ABCA1: variants seen among roughly 807,000 people sequenced by gnomAD.
ABCA1 encodes ATP binding cassette subfamily A member 1.
Under a neutral mutation model 262.5 loss-of-function variants are expected in ABCA1, and 133 were observed. The observed-to-expected ratio is 0.51, with a 90% CI of 0.44 to 0.59. The LOEUF (loss-of-function observed/expected upper bound fraction) is 0.59, where lower values mean the gene tolerates loss of function less well. Ranked by LOEUF, ABCA1 falls within the 20% of genes least tolerant of loss-of-function variation. ABCA1 has a pLI of 0.00. For synonymous variants in ABCA1, 1,022 were observed against 1,043.5 expected (o/e 0.98, Z 0.40); for missense variants, 2,452 against 2,777.5 (o/e 0.88, Z 2.63).
intron 5 of ABCA1, among the ~76,000 whole-genome samples, chr9:104,873,137 T>C (rs1837777160): frequency 6.6e-6 from 1 of 152,224 alleles, no homozygotes; most frequent in African/African-American, 2.4e-5. Context: ...TATAAAATTC[T>C]AAGGCCTCAA....
chr9:104,797,725 GTATTCTCATAT>G (rs1564091440), intron 37 of ABCA1, among the ~76,000 whole-genome samples: 1 of 152,212 alleles, frequency 6.6e-6, no homozygotes, highest in South Asian at 2.1e-4. Flanking sequence ...GTTACAAGGT[GTATTCTCATAT>G]ATCATCTTAT....
chr9:104,866,751 G>A (rs151262149), intron 5 of ABCA1, among the ~76,000 whole-genome samples: 141 of 152,258 alleles, frequency 9.3e-4, no homozygotes, highest in African/African-American at 2.9e-3. Context: ...GCCTCCCAAA[G>A]TGCTAGGATT....
At chr9:104,808,726 C>G (rs530208834) in intron 30 of ABCA1, among the ~76,000 whole-genome samples, 17 of 152,308 alleles carry the variant, frequency 1.1e-4, no homozygotes, top group African/African-American at 3.8e-4. Flanking sequence ...TGCCCCCTCT[C>G]CAATTCTCCA....
intron 10 of ABCA1, 133 bp downstream of exon 10, chr9:104,837,295 T>C: frequency 7.7e-7 from 1 of 1,305,294 alleles, no homozygotes; most frequent in Non-Finnish European, 1.1e-6. Flanking sequence ...GCATCAGACT[T>C]GAGGTTTTCA....
At chr9:104,823,833 A>G (rs1298106741) in intron 18 of ABCA1, among the ~76,000 whole-genome samples, 1 of 152,136 alleles carries the variant, frequency 6.6e-6, no homozygotes, top group Non-Finnish European at 1.5e-5. Flanking sequence ...AGCGTGCTAC[A>G]CTAAGGGGCA....
chr9:104,826,497 ATTAC>A (rs1047220324), intron 16 of ABCA1, among the ~76,000 whole-genome samples: 2 of 152,246 alleles, frequency 1.3e-5, no homozygotes, highest in African/African-American at 4.8e-5. Context: ...TTCAGAAAAC[ATTAC>A]TCAAGCAAAA....
intron 43 of ABCA1, 119 bp downstream of exon 43, chr9:104,791,817 G>T: frequency 1.1e-6 from 1 of 923,376 alleles, no homozygotes; most frequent in South Asian, 1.4e-5. Context: ...GCTCCATCCT[G>T]GCATAAATAC....
Position 104,818,710 on chromosome 9 carries a change from G to GGGA in ABCA1, c.3412_3414dup (p.Ser1138dup), listed in dbSNP as rs1356384067. 8 of 1,613,490 alleles carry GGGA rather than the reference G, an allele frequency of 5.0e-6. No homozygotes were observed. In the African/African-American group the frequency reaches 1.1e-4, roughly 22 times the overall value. On this transcript the variant is annotated inframe_insertion, in exon 23 of 50. Coordinates refer to ENST00000374736, the MANE Select transcript of ABCA1 (RefSeq NM_005502.4). ...CTACTACTGTTTCTGCAGGAACTGA[G>GGGA]GGAGGATTCCACATCTTTCTTGACC...
intron 32 of ABCA1, 103 bp from the exon 33 acceptor site, chr9:104,803,419 C>G (rs970287668): frequency 3.4e-6 from 4 of 1,180,722 alleles, no homozygotes; most frequent in African/African-American, 3.0e-5. Context: ...AAGGAACGGA[C>G]AGAAATAACC....
At chr9:104,912,069 T>G (rs1488495539) in intron 1 of ABCA1, among the ~76,000 whole-genome samples, 2 of 152,222 alleles carry the variant, frequency 1.3e-5, no homozygotes, top group Non-Finnish European at 2.9e-5. Flanking sequence ...ACTTCCTTCT[T>G]TCACTTGAAT....
Position 104,893,421 on chromosome 9 carries a change from CAAAAAAAAAAAAAAAAAAAAA to C in ABCA1, c.67-4247_67-4227del, listed in dbSNP as rs34544647. ...TGGGCAACAGAGTGAGACTTCACCT[CAAAAAAAAAAAAAAAAAAAAA>C]AAAAAAAAAAGAAAAGAAAATACTA... On this transcript the variant is annotated intron_variant, in intron 2 of 49. Transcript: ENST00000374736. 6.2e-4 allele frequency among the ~76,000 whole-genome samples: 22 copies of C among 35,266 alleles called. 1 individual carries two copies. The South Asian group carries it at 0.025, about 41-fold the overall frequency. 23.1% of individuals were successfully genotyped at this position (35,266 alleles called of 152,430 possible).
At chr9:104,845,877 G>A (rs1185626011) in intron 7 of ABCA1, among the ~76,000 whole-genome samples, 8 of 152,156 alleles carry the variant, frequency 5.3e-5, no homozygotes, top group Non-Finnish European at 7.3e-5. Flanking sequence ...AACTCTGACC[G>A]CAAATTCCCA....
chr9:104,858,387 C>T, intron 7 of ABCA1, 135 bp downstream of exon 7: 2 of 962,590 alleles, frequency 2.1e-6, no homozygotes, highest in Non-Finnish European at 3.3e-6. Context: ...CTTAGAATAC[C>T]ACTGAACTAA....
In ABCA1 at chr9:104,784,420, A is replaced by G. The variant is rs1367640456; in HGVS notation, c.6681T>C (p.Asp2227=). The stretch of plus-strand genomic sequence containing the variant: ...GTAATGAGAGGTCTTTTAAGTGGTC[A>G]TCATCACTTTGGTCCTTGGCAAAGT... ...FVNFAKDQSD[D]DHLKDLSLHK... The change falls in exon 50 of 50, where the codon GAT becomes GAC. Residue 2227 remains aspartate, a synonymous_variant. Coordinates refer to ENST00000374736, the MANE Select transcript of ABCA1 (RefSeq NM_005502.4). The G allele has an allele frequency of 6.2e-7, 1 of 1,614,160 alleles. No homozygotes were observed.
At chr9:104,906,452 GA>G (rs1242087836) in intron 1 of ABCA1, among the ~76,000 whole-genome samples, 1 of 152,098 alleles carries the variant, frequency 6.6e-6, no homozygotes, top group Non-Finnish European at 1.5e-5. Context: ...GACTCTCCAG[GA>G]AGCACATGGA....
chr9:104,838,489 C>T (rs957054726), intron 9 of ABCA1, among the ~76,000 whole-genome samples: 1 of 149,498 alleles, frequency 6.7e-6, no homozygotes, highest in Admixed American at 6.7e-5. Context: ...TGGTGGCGGG[C>T]ACCTGCAGTT....
rs749894646 is a variant in ABCA1 at position 104,828,964 on chromosome 9, G to A, written c.2067C>T (p.Ser689=). 6.2e-7 allele frequency: 1 copy of A among 1,614,144 alleles called. No homozygotes were observed. The highest frequency in any genetic ancestry group is 1.3e-5 in the African/African-American group (1 of 75,028). The change falls in exon 15 of 50, where the codon AGC becomes AGT. Residue 689 remains serine, a synonymous_variant. Transcript: ENST00000374736. ...CAGCGCTCACAAGAAGAGGAATGAG[G>A]CTACTAATGAACCAGCTAAACCAGA... ...SILWFSWFIS[S]LIPLLVSAGL...
intron 22 of ABCA1, 133 bp downstream of exon 22, chr9:104,819,453 T>C: frequency 7.7e-7 from 1 of 1,304,614 alleles, no homozygotes; most frequent in Non-Finnish European, 1.1e-6. Context: ...CTCAATGCCC[T>C]TTATCTCTTC....
intron 5 of ABCA1, among the ~76,000 whole-genome samples, chr9:104,882,305 C>T (rs1409772118): frequency 3.9e-5 from 6 of 152,332 alleles, no homozygotes; most frequent in South Asian, 2.1e-4. Context: ...CAGCTTTTAT[C>T]GGCTTCATTA....
Sources: allele counts gnomAD v4.1 joint callset (sites outside exome capture counted in the v4.1 genomes callset), GRCh38; gene constraint gnomAD v4.1.1; transcripts MANE v1.5; gene names NCBI Gene and HGNC (gene_info 2026-07-23, HGNC 2026-07-21).